The following FGD1 variants were observed in gnomAD, a reference collection of about 807,000 sequenced individuals.
FGD1 encodes FYVE, RhoGEF and PH domain-containing protein 1.
Under a neutral mutation model 65.0 loss-of-function variants are expected in FGD1, and 12 were observed. That is an observed-to-expected ratio of 0.18 (90% confidence interval 0.12 to 0.30). FGD1 has a LOEUF of 0.30. Among genes scored for constraint, FGD1 ranks in the 10% least tolerant of loss-of-function variants. The pLI, the probability that FGD1 is intolerant of heterozygous loss-of-function variation, is 1.00. For missense variants in FGD1, 542 were observed against 837.6 expected (o/e 0.65, Z 4.36); for synonymous variants, 333 against 343.9 (o/e 0.97, Z 0.35).
chrX:54,447,992 T>C (rs1451407402), intron 16 of FGD1, among the ~76,000 whole-genome samples: 2 of 111,375 alleles, frequency 1.8e-5, no homozygotes, highest in Admixed American at 9.6e-5. Context: ...TAAGTACTCT[T>C]TTAAGTGTTA....
intron 1 of FGD1, among the ~76,000 whole-genome samples, chrX:54,476,704 C>T (rs1365480560): frequency 9.1e-6 from 1 of 110,161 alleles, no homozygotes; most frequent in Non-Finnish European, 1.9e-5. Context: ...CACCCACACC[C>T]ACACCTCCAC....
chrX:54,446,573 T>A (rs751957267), intron 17 of FGD1, among the ~76,000 whole-genome samples, 159 bp from the exon 18 acceptor site: 1 of 111,306 alleles, frequency 9.0e-6, no homozygotes, highest in Non-Finnish European at 1.9e-5. Context: ...AACAGGAACA[T>A]GTCAGAACTG....
At chrX:54,465,364 A>T in intron 8 of FGD1, 87 bp downstream of exon 8, 1 of 1,029,900 alleles carries the variant, frequency 9.7e-7, no homozygotes, top group South Asian at 2.3e-5. Context: ...CGACCCTGTG[A>T]ATTAAGTCTT....
intron 8 of FGD1, among the ~76,000 whole-genome samples, chrX:54,464,127 C>G (rs868055485): frequency 5.9e-5 from 3 of 50,565 alleles, no homozygotes; most frequent in Non-Finnish European, 9.9e-5. Context: ...ACGCCCAGCT[C>G]TTTTTTTTTT....
chrX:54,482,236 G>GCGCACACACACACACACACACACA (rs796491256), intron 1 of FGD1, among the ~76,000 whole-genome samples: 45 of 99,386 alleles, frequency 4.5e-4, no homozygotes, highest in African/African-American at 1.7e-3. Flanking sequence ...GCACACGCGC[G>GCGCACACACACACACACACACACA]CACACACACA....
chrX:54,466,537 C>T (rs754321636), intron 6 of FGD1, among the ~76,000 whole-genome samples: 1 of 111,274 alleles, frequency 9.0e-6, no homozygotes, highest in Non-Finnish European at 1.9e-5. Flanking sequence ...GGAAGAAGGC[C>T]TGAGAGGCTG....
intron 1 of FGD1, among the ~76,000 whole-genome samples, chrX:54,488,917 TAA>T (rs1431669229): frequency 8.9e-6 from 1 of 111,860 alleles, no homozygotes; most frequent in East Asian, 2.8e-4. Context: ...ATTAAAGACT[TAA>T]ATGTAAAACC....
chrX:54,463,839 C>G (rs1295380438), intron 8 of FGD1, among the ~76,000 whole-genome samples: 3 of 112,236 alleles, frequency 2.7e-5, no homozygotes, highest in Non-Finnish European at 5.6e-5. Context: ...TTTTGACTCA[C>G]TGTCTTCTAG....
At chrX:54,487,985 C>A (rs1199136856) in intron 1 of FGD1, among the ~76,000 whole-genome samples, 1 of 104,792 alleles carries the variant, frequency 9.5e-6, no homozygotes, top group Non-Finnish European at 2.0e-5. Context: ...AACAAAAAAA[C>A]CAAACCACGG....
At chrX:54,465,418 G>A (rs1922736899) in intron 8 of FGD1, 33 bp downstream of exon 8, 1 of 1,188,643 alleles carries the variant, frequency 8.4e-7, no homozygotes, top group African/African-American at 1.8e-5. Context: ...TTAGTGTGGA[G>A]AAGTAGGAAG....
In FGD1 at chrX:54,448,912, C is replaced by T; in HGVS notation, c.2330G>A (p.Arg777His). 8.3e-7 allele frequency: 1 copy of T among 1,211,534 alleles called. No individual in the cohort carries two copies. The highest frequency in any genetic ancestry group is 1.1e-6 in the Non-Finnish European group (1 of 895,303). Residue 777 changes from arginine to histidine, a missense_variant, in exon 16 of 18, where the codon CGC (arginine) becomes CAC (histidine). Physicochemically the swap from Arg to His is conservative, Grantham distance 29. Transcript: ENST00000375135. The part of the protein sequence containing the change: ...FRARLVYDNN[R>H]SNRVCTDCYV... ...GCAATCAGTGCACACACGGTTGGAG[C>T]GGTTGTTGTCATAGACGAGGCGGGC...
intron 8 of FGD1, among the ~76,000 whole-genome samples, chrX:54,459,910 G>T (rs1452600908): frequency 9.1e-6 from 1 of 109,493 alleles, no homozygotes; most frequent in Non-Finnish European, 1.9e-5. Flanking sequence ...AACTCAGGCT[G>T]CTCTGCCTAT....
chrX:54,480,494 ATGGGGAATGG>A (rs1207042799), intron 1 of FGD1, among the ~76,000 whole-genome samples: 1 of 111,268 alleles, frequency 9.0e-6, no homozygotes, highest in African/African-American at 3.3e-5. Context: ...GTCTAAGGCC[ATGGGGAATGG>A]TGGGGACTGG....
In FGD1 at chrX:54,495,500, G is replaced by A. The variant is rs1347032676; in HGVS notation, c.-68C>T. 2.4e-5 allele frequency: 19 copies of A among 784,802 alleles called. No individual in the cohort carries two copies. The Admixed American group carries it at 3.1e-4, about 13-fold the overall frequency. 64.7% of individuals were successfully genotyped at this position (784,802 alleles called of 1,213,427 possible). A position where few individuals can be genotyped will look rare whatever the true frequency, so the allele number is the denominator to read the frequency against. On this transcript the variant is annotated 5_prime_UTR_variant, in exon 1 of 18. Coordinates refer to ENST00000375135, the MANE Select transcript of FGD1 (RefSeq NM_004463.3). The stretch of plus-strand genomic sequence containing the variant: ...CAGCTCCTGGGGCGGAGGCGCGGGC[G>A]GAGGAGGCCCGGCGCCCGGCGGAGC...
At chrX:54,488,218 C>T (rs1240694592) in intron 1 of FGD1, among the ~76,000 whole-genome samples, 3 of 85,931 alleles carry the variant, frequency 3.5e-5, no homozygotes, top group Middle Eastern at 6.8e-3. Flanking sequence ...TGCAGTGAGC[C>T]GAGATCATGC....
intron 1 of FGD1, among the ~76,000 whole-genome samples, chrX:54,485,076 C>T (rs1258591738): frequency 8.8e-6 from 1 of 113,023 alleles, no homozygotes; most frequent in Non-Finnish European, 1.9e-5. Context: ...TTAGAAGCTT[C>T]TATTCTTTTA....
At chrX:54,486,518 T>C (rs1302529334) in intron 1 of FGD1, among the ~76,000 whole-genome samples, 1 of 111,523 alleles carries the variant, frequency 9.0e-6, no homozygotes, top group Non-Finnish European at 1.9e-5. Context: ...AGTGCTGGGA[T>C]TACAGGCATG....
intron 1 of FGD1, among the ~76,000 whole-genome samples, chrX:54,481,890 C>T (rs1249078850): frequency 9.1e-6 from 1 of 109,763 alleles, no homozygotes; most frequent in Non-Finnish European, 1.9e-5. Context: ...CCAAAAGATA[C>T]AAGCAAGCAG....
intron 12 of FGD1, among the ~76,000 whole-genome samples, chrX:54,451,907 ATTTT>A (rs1922387460): frequency 9.1e-6 from 1 of 109,818 alleles, no homozygotes; most frequent in African/African-American, 3.3e-5. Flanking sequence ...AAAAAGAAAT[ATTTT>A]ATTTATCTAT....
Sources: allele counts gnomAD v4.1 joint callset (sites outside exome capture counted in the v4.1 genomes callset), GRCh38; gene constraint gnomAD v4.1.1; transcripts MANE v1.5; gene names NCBI Gene and HGNC (gene_info 2026-07-23, HGNC 2026-07-21).